Variants in LRRC7 observed in about 807,000 individuals in gnomAD.
The protein encoded by LRRC7 is leucine-rich repeat-containing protein 7.
In LRRC7, 23 loss-of-function variants were observed where a neutral mutation model predicts 175.7. The observed-to-expected ratio is 0.13, with a 90% CI of 0.09 to 0.19. The LOEUF (loss-of-function observed/expected upper bound fraction) is 0.19. Ranked by LOEUF, LRRC7 falls within the 10% of genes least tolerant of loss-of-function variation. The pLI is 1.00. For synonymous variants in LRRC7, 685 were observed against 680.9 expected (o/e 1.01, Z -0.09); for missense variants, 1,354 against 1,904.7 (o/e 0.71, Z 5.38).
At chr1:69,587,837 T>C (rs1163994971) in intron 1 of LRRC7, among the ~76,000 whole-genome samples, 1 of 152,192 alleles carries the variant, frequency 6.6e-6, no homozygotes, top group African/African-American at 2.4e-5. Flanking sequence ...TCTCCATGAT[T>C]GTAAGTTTCC....
intron 4 of LRRC7, among the ~76,000 whole-genome samples, chr1:69,803,851 T>G (rs1676805010): frequency 6.6e-6 from 1 of 151,394 alleles, no homozygotes; most frequent in African/African-American, 2.4e-5. Context: ...CTGTGAATGT[T>G]TTCTCCATTA....
intron 21 of LRRC7, among the ~76,000 whole-genome samples, chr1:70,042,655 A>G (rs142195685): frequency 2.6e-4 from 39 of 152,308 alleles, no homozygotes; most frequent in African/African-American, 8.7e-4. Flanking sequence ...TATGTCTGAG[A>G]CTGCTTCTGT....
intron 7 of LRRC7, among the ~76,000 whole-genome samples, chr1:69,898,883 A>C (rs1009532416): frequency 1.3e-5 from 2 of 152,244 alleles, no homozygotes; most frequent in African/African-American, 4.8e-5. Context: ...AAATATACTT[A>C]GTTAACAACA....
chr1:69,975,858 A>T lies in LRRC7; in HGVS notation c.712-4521A>T, dbSNP rs7555716. ...GTCAGCCCCTCCCCTTGTGCTGTCA[A>T]TCTCCTCTTCATTGTCCCCTCTTGG... On this transcript the variant is annotated intron_variant, in intron 8 of 26. Coordinates refer to ENST00000651989, the MANE Select transcript of LRRC7 (RefSeq NM_001370785.2). Among the ~76,000 whole-genome samples the T allele has an allele frequency of 5.9e-3, 878 of 149,806 alleles. 5 individuals carry two copies. The highest frequency in any genetic ancestry group is 0.024 in the Middle Eastern group (7 of 288).
chr1:69,876,463 C>CA (rs1486568011), intron 7 of LRRC7, among the ~76,000 whole-genome samples: 1 of 151,966 alleles, frequency 6.6e-6, no homozygotes, highest in African/African-American at 2.4e-5. Flanking sequence ...ATTACCAGGG[C>CA]AAAAATATAG....
intron 2 of LRRC7, among the ~76,000 whole-genome samples, chr1:69,718,346 T>C (rs958913236): frequency 1.2e-4 from 18 of 151,708 alleles, no homozygotes; most frequent in African/African-American, 3.9e-4. Flanking sequence ...ATATCTTCTT[T>C]GCCAGATTCC....
intron 13 of LRRC7, among the ~76,000 whole-genome samples, chr1:70,014,888 A>G (rs2101959167): frequency 6.6e-6 from 1 of 152,160 alleles, no homozygotes; most frequent in East Asian, 1.9e-4. Context: ...GCCCTTTTCT[A>G]GCAGTTTCTT....
At chr1:70,049,277 C>CA (rs1249150980) in intron 22 of LRRC7, among the ~76,000 whole-genome samples, 1 of 152,058 alleles carries the variant, frequency 6.6e-6, no homozygotes, top group Non-Finnish European at 1.5e-5. Context: ...ATTTAGATAG[C>CA]AATATTTGCA....
At position 69,642,156 on chromosome 1, in the gene LRRC7, T is replaced by C. The variant is rs186831769; in HGVS notation, c.3-36225T>C. ...TTGCTATTATGATAATTTTATAAAG[T>C]TTAAATCATGAAATGTTATAACTAA... On this transcript the variant is annotated intron_variant, in intron 1 of 26. Coordinates refer to ENST00000651989, the MANE Select transcript of LRRC7 (RefSeq NM_001370785.2). Among the ~76,000 whole-genome samples, 374 of 152,078 alleles carry C rather than the reference T, an allele frequency of 2.5e-3. 1 individual carries two copies. The highest frequency in any genetic ancestry group is 8.5e-3 in the African/African-American group (353 of 41,552).
At position 69,654,111 on chromosome 1, in the gene LRRC7, A is replaced by ATTT. The variant is rs564418143; in HGVS notation, c.3-24269_3-24267dup. On this transcript the variant is annotated intron_variant, in intron 1 of 26. Coordinates refer to ENST00000651989, the MANE Select transcript of LRRC7 (RefSeq NM_001370785.2). ...TTGTTAAGAATTTAGATCTCATGTT[A>ATTT]TTTATTTTTTTTTTTTACCACAACA... Among the ~76,000 whole-genome samples the ATTT allele has an allele frequency of 5.3e-5, 8 of 151,418 alleles. 1 individual carries two copies. Among genetic ancestry groups the ATTT allele is most frequent in the Admixed American group, 4.6e-4 (7 of 15,126 alleles).
intron 3 of LRRC7, among the ~76,000 whole-genome samples, chr1:69,761,085 A>G (rs543365766): frequency 6.6e-5 from 10 of 152,154 alleles, no homozygotes; most frequent in African/African-American, 2.4e-4. Context: ...AGACTGGATG[A>G]TAAGAGATTA....
intron 21 of LRRC7, among the ~76,000 whole-genome samples, chr1:70,041,700 A>G (rs1659910580): frequency 6.6e-6 from 1 of 152,262 alleles, no homozygotes; most frequent in Admixed American, 6.5e-5. Flanking sequence ...ATTTGAGGCA[A>G]CAGAGGAATG....
chr1:69,820,753 G>A (rs1440203827), intron 4 of LRRC7, among the ~76,000 whole-genome samples: 1 of 151,486 alleles, frequency 6.6e-6, no homozygotes, highest in South Asian at 2.1e-4. Context: ...TCTTTATCCA[G>A]TCTATCATTG....
intron 7 of LRRC7, among the ~76,000 whole-genome samples, chr1:69,906,813 T>C (rs1646330550): frequency 6.6e-6 from 1 of 152,192 alleles, no homozygotes; most frequent in Non-Finnish European, 1.5e-5. Context: ...ATTGGTAGTT[T>C]GGTGGGGATG....
intron 23 of LRRC7, among the ~76,000 whole-genome samples, chr1:70,069,457 G>A (rs1362246926): frequency 6.6e-6 from 1 of 152,102 alleles, no homozygotes; most frequent in Non-Finnish European, 1.5e-5. Context: ...TGGATTATGA[G>A]GATTACAATT....
chr1:69,805,050 T>C (rs1037018766), intron 4 of LRRC7, among the ~76,000 whole-genome samples: 1 of 151,770 alleles, frequency 6.6e-6, no homozygotes. Context: ...GTGATTTTTC[T>C]CTCATCCACT....
intron 8 of LRRC7, among the ~76,000 whole-genome samples, chr1:69,945,582 A>G (rs1285868511): frequency 6.6e-6 from 1 of 152,104 alleles, no homozygotes; most frequent in Admixed American, 6.6e-5. Context: ...TATGTAGATC[A>G]CTTTGGGTAG....
chr1:69,579,557 C>T (rs1646106555), intron 1 of LRRC7, among the ~76,000 whole-genome samples: 1 of 151,922 alleles, frequency 6.6e-6, no homozygotes, highest in South Asian at 2.1e-4. Flanking sequence ...ATATTTTATC[C>T]CAAGCAGACT....
intron 1 of LRRC7, among the ~76,000 whole-genome samples, chr1:69,616,686 A>G (rs1649674923): frequency 6.6e-6 from 1 of 152,064 alleles, no homozygotes; most frequent in Middle Eastern, 3.2e-3. Flanking sequence ...CTCATGAGTG[A>G]CCAGCTTAGT....
Sources: allele counts gnomAD v4.1 joint callset (sites outside exome capture counted in the v4.1 genomes callset), GRCh38; gene constraint gnomAD v4.1.1; transcripts MANE v1.5; gene names NCBI Gene and HGNC (gene_info 2026-07-23, HGNC 2026-07-21).